The following BOD1L1 variants were observed in gnomAD, a reference collection of about 807,000 sequenced individuals.
BOD1L1 encodes biorientation of chromosomes in cell division protein 1-like 1.
Under a neutral mutation model 240.7 loss-of-function variants are expected in BOD1L1, and 86 were observed. The ratio of observed to expected loss-of-function variants is 0.36; its 90% CI spans 0.30 to 0.43. The LOEUF (loss-of-function observed/expected upper bound fraction) is 0.43. Ranked by LOEUF, BOD1L1 falls within the 20% of genes least tolerant of loss-of-function variation. The pLI is 1.00. For synonymous variants in BOD1L1, 1,268 were observed against 1,272.3 expected (o/e 1.00, Z 0.07); for missense variants, 3,554 against 3,643.5 (o/e 0.98, Z 0.63).
intron 16 of BOD1L1, among the ~76,000 whole-genome samples, 193 bp downstream of exon 16, chr4:13,587,506 C>T (rs536595552): frequency 6.6e-6 from 1 of 152,260 alleles, no homozygotes; most frequent in East Asian, 1.9e-4. Flanking sequence ...CTGCAGGAAG[C>T]AATCTAGTTT....
Position 13,604,315 on chromosome 4 carries a change from A to T in BOD1L1, c.2585T>A (p.Ile862Asn). The change falls in exon 10 of 26, where the codon ATC becomes AAC. Residue 862 changes from isoleucine to asparagine, a missense_variant. Transcript: ENST00000040738. ...ACTTTCACTTCTTCTCTGTAATGTG[A>T]TACCATGTTGCTTGGAACCCAGAGA... ...KDSLGSKQHG[I>N]TLQRRSESYS... 1 of 1,596,586 alleles carries T rather than the reference A, an allele frequency of 6.3e-7. No homozygotes were observed. The highest frequency in any genetic ancestry group is 1.2e-5 in the South Asian group (1 of 86,244).
intron 17 of BOD1L1, among the ~76,000 whole-genome samples, chr4:13,583,351 G>T (rs578162346): frequency 6.6e-6 from 1 of 152,126 alleles, no homozygotes; most frequent in Non-Finnish European, 1.5e-5. Flanking sequence ...TACTTTAATG[G>T]CCCATTATAA....
At chr4:13,612,871 C>T (rs888813234) in intron 5 of BOD1L1, among the ~76,000 whole-genome samples, 2 of 152,128 alleles carry the variant, frequency 1.3e-5, no homozygotes, top group Non-Finnish European at 2.9e-5. Flanking sequence ...GCTAGAGCCT[C>T]GGTTAAGAAC....
At chr4:13,575,997 C>A (rs1028351697) in intron 25 of BOD1L1, among the ~76,000 whole-genome samples, 2 of 149,356 alleles carry the variant, frequency 1.3e-5, no homozygotes, top group Admixed American at 6.7e-5. Flanking sequence ...CCGCCTCCCA[C>A]GGTTAAGCAA....
chr4:13,601,613 C>T lies in BOD1L1; in HGVS notation c.5287G>A (p.Gly1763Arg). The change falls in exon 10 of 26, where the codon GGA becomes AGA. Residue 1763 changes from glycine (G) to arginine (R), a missense_variant. Transcript: ENST00000040738. ...RMVTGAGVVL[G>R]DNDAPPGTSA... is the part of the protein sequence containing the mutation. Reference sequence around the variant, plus strand: ...GTTCCTGGTGGTGCATCATTATCTCCCAGGACAACACCTGCACCTGTAACC... The same window carrying T: ...GTTCCTGGTGGTGCATCATTATCTCTCAGGACAACACCTGCACCTGTAACC... 1 of 1,613,966 alleles carries T rather than the reference C, an allele frequency of 6.2e-7. No homozygotes were observed. The highest frequency in any genetic ancestry group is 8.5e-7 in the Non-Finnish European group (1 of 1,179,892).
At chr4:13,572,897 TG>T in intron 25 of BOD1L1, 1 of 1,262,806 alleles carries the variant, frequency 7.9e-7, no homozygotes, top group East Asian at 5.6e-5. Flanking sequence ...CTCCAGTCCC[TG>T]GAACTCTGTA....
At position 13,601,586 on chromosome 4, in the gene BOD1L1, T is replaced by C; in HGVS notation, c.5314A>G (p.Ser1772Gly). Residue 1772 changes from serine (S) to glycine (G), a missense_variant, in exon 10 of 26, where the codon AGT (serine) becomes GGT (glycine). Physicochemically the swap from Ser to Gly is moderately conservative, Grantham distance 56 (BLOSUM62 0). Coordinates refer to ENST00000040738, the MANE Select transcript of BOD1L1 (RefSeq NM_148894.3). ...LGDNDAPPGTSASQEGDGSVN... is the reference protein window; with the variant it reads ...LGDNDAPPGTGASQEGDGSVN... Reference sequence around the variant, plus strand: ...GAACCATCTCCTTCTTGGCTGGCACTTGTTCCTGGTGGTGCATCATTATCT... The same window carrying C: ...GAACCATCTCCTTCTTGGCTGGCACCTGTTCCTGGTGGTGCATCATTATCT... 1 of 1,614,036 alleles carries C rather than the reference T, an allele frequency of 6.2e-7. No individual in the cohort carries two copies.
intron 17 of BOD1L1, among the ~76,000 whole-genome samples, chr4:13,585,563 T>C (rs1209137841): frequency 1.3e-5 from 2 of 151,952 alleles, no homozygotes; most frequent in Non-Finnish European, 2.9e-5. Context: ...CTGTGAGTCA[T>C]AAGATGAAAA....
rs770117186 is a variant in BOD1L1, at chr4:13,611,062, T to A, written c.1363A>T (p.Thr455Ser). The stretch of plus-strand genomic sequence containing the variant: ...GTTTTTCCTTCACTAGAATCACTAG[T>A]TTGAGTTTTTGTTTTATTCTGTTTG... ...KNKQNKTKTQ[T>S]SDSSEGKTKS... Residue 455 changes from threonine (T) to serine (S), a missense_variant, in exon 6 of 26, where the codon ACT becomes TCT. This residue lies in a region of BOD1L1 where 3,393 missense variants were observed against 3,427.1 expected (regional missense o/e 0.99). Coordinates refer to ENST00000040738, the MANE Select transcript of BOD1L1 (RefSeq NM_148894.3). 1.9e-6 allele frequency: 3 copies of A among 1,610,682 alleles called. No homozygotes were observed. In the Admixed American group the frequency reaches 5.0e-5, roughly 27 times the overall value.
At chr4:13,570,566 A>C (rs546535451) in intron 25 of BOD1L1, among the ~76,000 whole-genome samples, 37 of 152,358 alleles carry the variant, frequency 2.4e-4, no homozygotes, top group African/African-American at 8.2e-4. Context: ...GTTTCGTAGC[A>C]CAGTATTACA....
At chr4:13,596,259 C>G (rs1356040630) in intron 11 of BOD1L1, among the ~76,000 whole-genome samples, 1 of 152,166 alleles carries the variant, frequency 6.6e-6, no homozygotes, top group Non-Finnish European at 1.5e-5. Context: ...CATCACAGCT[C>G]ACCGTGAACC....
chr4:13,593,346 A>C (rs1714369663), intron 12 of BOD1L1: 1 of 152,148 alleles, frequency 6.6e-6, no homozygotes, highest in Admixed American at 6.5e-5. Context: ...AAAAGACCTA[A>C]AATTGGTATT....
At position 13,570,110 on chromosome 4, in the gene BOD1L1, G is replaced by T; in HGVS notation, c.9057C>A (p.Ser3019=). The change falls in exon 26 of 26, where the codon TCC becomes TCA. Residue 3019 remains serine, a synonymous_variant. Transcript: ENST00000040738. The part of the protein sequence containing the change: ...SEAQRSKTQL[S]PSIKRKREVS... ...CTTCTCTCTTGCGCTTGATAGAAGG[G>T]GAGAGCTGTGTCTTTGATCTGCATT... is the stretch of plus-strand genomic sequence containing the variant. 1.3e-6 allele frequency: 2 copies of T among 1,598,598 alleles called. No individual in the cohort carries two copies. Among genetic ancestry groups the T allele is most frequent in the African/African-American group, 1.4e-5 (1 of 73,954 alleles).
chr4:13,627,225 C>T (rs1002791879), intron 1 of BOD1L1, 120 bp downstream of exon 1: 2 of 417,052 alleles, frequency 4.8e-6, no homozygotes, highest in Non-Finnish European at 7.1e-6. Context: ...AATGAACACT[C>T]TGTGCTTTGC....
intron 9 of BOD1L1, among the ~76,000 whole-genome samples, chr4:13,606,784 G>A (rs1337400240): frequency 6.6e-6 from 1 of 152,188 alleles, no homozygotes; most frequent in Non-Finnish European, 1.5e-5. Flanking sequence ...GAATAAAAAG[G>A]ATAATTTGTT....
In BOD1L1 at chr4:13,604,059, T is replaced by C. The variant is rs1215245134; in HGVS notation, c.2841A>G (p.Thr947=). ...TTPKPDKEKN[T]EENDSEKQRK... is the part of the protein sequence containing the mutation. ...GCTGTTTTTCTGAGTCATTTTCTTC[T>C]GTGTTCTTCTCCTTGTCTGGTTTTG... is the stretch of plus-strand genomic sequence containing the variant. The change falls in exon 10 of 26, where the codon ACA becomes ACG. Residue 947 remains threonine, a synonymous_variant. Transcript: ENST00000040738. 1 of 1,613,912 alleles carries C rather than the reference T, an allele frequency of 6.2e-7. No individual in the cohort carries two copies. Among genetic ancestry groups the C allele is most frequent in the Non-Finnish European group, 8.5e-7 (1 of 1,179,890 alleles).
Position 13,598,939 on chromosome 4 carries a change from T to C in BOD1L1, c.7954+7A>G. 1 of 1,592,484 alleles carries C rather than the reference T, an allele frequency of 6.3e-7. No homozygotes were observed. The highest frequency in any genetic ancestry group is 8.6e-7 in the Non-Finnish European group (1 of 1,166,592). On this transcript the variant is annotated splice_region_variant and intron_variant, in intron 10 of 25. Coordinates refer to ENST00000040738, the MANE Select transcript of BOD1L1 (RefSeq NM_148894.3). ...ATTAAAATTTGCAATTAGGTACAGA[T>C]TCTCACCTATGTCACACACATTTTC...
At chr4:13,610,876 T>A (rs1032527321) in intron 6 of BOD1L1, 58 bp downstream of exon 6, 16 of 1,422,520 alleles carry the variant, frequency 1.1e-5, no homozygotes, top group Non-Finnish European at 1.5e-5. Flanking sequence ...GCAGATAGAC[T>A]ATTTAAGTTT....
rs766677404 is a variant in BOD1L1 at position 13,613,555 on chromosome 4, A to T, written c.1281T>A (p.Val427=). 6.2e-7 allele frequency: 1 copy of T among 1,612,730 alleles called. No individual in the cohort carries two copies. Among genetic ancestry groups the T allele is most frequent in the Non-Finnish European group, 8.5e-7 (1 of 1,179,010 alleles). The part of the protein sequence containing the change: ...SSFEEDTEEE[V]VTSDSMEEGE... Reference sequence around the variant, plus strand: ...CTTCTTCCATGCTATCAGACGTTACAACTTCCTCCTCAGTATCTTCTTCAA... The same window carrying T: ...CTTCTTCCATGCTATCAGACGTTACTACTTCCTCCTCAGTATCTTCTTCAA... Residue 427 remains valine (V), a synonymous_variant, in exon 5 of 26, where the codon GTT becomes GTA. Coordinates refer to ENST00000040738, the MANE Select transcript of BOD1L1 (RefSeq NM_148894.3). The surrounding 1 kb of genome is among the most constrained non-coding windows in gnomAD (Gnocchi z 4.0).
Sources: allele counts gnomAD v4.1 joint callset (sites outside exome capture counted in the v4.1 genomes callset), GRCh38; gene constraint gnomAD v4.1.1; regional missense constraint gnomAD v4.1.1; non-coding constraint Gnocchi (gnomAD v3.1); transcripts MANE v1.5; gene names NCBI Gene and HGNC (gene_info 2026-07-23, HGNC 2026-07-21).